NLGN1: variants seen among roughly 807,000 people sequenced by gnomAD.
The protein encoded by NLGN1 is neuroligin 1.
In NLGN1, 12 loss-of-function variants were observed where a neutral mutation model predicts 65.5. The observed-to-expected ratio is 0.18, with a 90% CI of 0.12 to 0.30. The LOEUF is 0.30. NLGN1 is among the 10% of genes least tolerant of loss of function. The probability of loss-of-function intolerance (pLI) is 1.00; values close to 1 mark genes in which losing one functional copy is unlikely to be tolerated. For missense variants in NLGN1, 750 were observed against 1,007.1 expected, an observed-to-expected ratio of 0.74 and a Z score of 3.46; for synonymous variants, 350 against 359.5, an observed-to-expected ratio of 0.97 and a Z score of 0.30.
chr3:173,495,891 T>C (rs573920291), intron 2 of NLGN1, among the ~76,000 whole-genome samples: 25 of 151,974 alleles, frequency 1.6e-4, no homozygotes, highest in Admixed American at 1.4e-3. Flanking sequence ...TATCTTCTTA[T>C]GATTTGAATC....
chr3:174,248,452 A>G (rs1744188355), intron 4 of NLGN1, among the ~76,000 whole-genome samples: 1 of 152,178 alleles, frequency 6.6e-6, no homozygotes, highest in Non-Finnish European at 1.5e-5. Flanking sequence ...ATTGCATAAT[A>G]AAGAGCACTA....
intron 1 of NLGN1, among the ~76,000 whole-genome samples, chr3:173,414,294 A>T (rs1713221440): frequency 6.6e-6 from 1 of 152,136 alleles, no homozygotes; most frequent in South Asian, 2.1e-4. Context: ...TCTTCTTGGT[A>T]GTATACAAAA....
At chr3:173,791,572 A>G (rs1712759358) in intron 3 of NLGN1, among the ~76,000 whole-genome samples, 1 of 137,930 alleles carries the variant, frequency 7.3e-6, no homozygotes, top group Non-Finnish European at 1.6e-5. Context: ...TCTTTATTTT[A>G]ATTTAAATTT....
intron 2 of NLGN1, among the ~76,000 whole-genome samples, chr3:173,567,074 G>T (rs552205709): frequency 1.3e-5 from 2 of 152,190 alleles, no homozygotes; most frequent in East Asian, 3.9e-4. Context: ...AAAAAGAATA[G>T]TGCCTATTCT....
At chr3:174,152,259 A>G (rs1238650687) in intron 4 of NLGN1, among the ~76,000 whole-genome samples, 3 of 152,206 alleles carry the variant, frequency 2.0e-5, no homozygotes, top group South Asian at 2.1e-4. Flanking sequence ...CTATATGTCT[A>G]TCCTTCTATA....
intron 2 of NLGN1, among the ~76,000 whole-genome samples, chr3:173,589,062 A>G (rs1469174705): frequency 6.6e-6 from 1 of 152,230 alleles, no homozygotes; most frequent in African/African-American, 2.4e-5. Flanking sequence ...AACCACAGTG[A>G]TATATCACAG....
At chr3:173,477,346 G>A (rs768728805) in intron 2 of NLGN1, among the ~76,000 whole-genome samples, 7 of 151,980 alleles carry the variant, frequency 4.6e-5, no homozygotes, top group African/African-American at 1.7e-4. Flanking sequence ...TTCAAGATCA[G>A]CCTTGGCAAC....
In NLGN1 at chr3:173,550,382, C is replaced by T. The variant is rs536160576; in HGVS notation, c.-320-53897C>T. 1.6e-4 allele frequency among the ~76,000 whole-genome samples: 25 copies of T among 152,116 alleles called. No individual in the cohort carries two copies. In the South Asian group the frequency reaches 5.2e-3, roughly 31 times the overall value. On this transcript the variant is annotated intron_variant, in intron 2 of 6. Transcript: ENST00000457714. ...ATGCATGTTGTCAAGGAAGGATCAT[C>T]TGCTGTTATTATATCCTCCACCAAT...
At chr3:173,928,672 A>ATTTTTTTTTT (rs34589178) in intron 4 of NLGN1, among the ~76,000 whole-genome samples, 1 of 134,542 alleles carries the variant, frequency 7.4e-6, no homozygotes, top group African/African-American at 2.8e-5. Flanking sequence ...GACATAGTTA[A>ATTTTTTTTTT]TTTTTTTTTT....
intron 4 of NLGN1, among the ~76,000 whole-genome samples, chr3:173,817,898 G>A (rs1447616317): frequency 6.6e-6 from 1 of 152,136 alleles, no homozygotes; most frequent in Non-Finnish European, 1.5e-5. Context: ...ATTTTCTCAA[G>A]TTGTTAAGAT....
At chr3:173,857,198 T>C (rs993350282) in intron 4 of NLGN1, among the ~76,000 whole-genome samples, 1 of 151,962 alleles carries the variant, frequency 6.6e-6, no homozygotes, top group African/African-American at 2.4e-5. Context: ...GTCAAGCAGA[T>C]AGAAGGTAAG....
chr3:173,865,252 A>G (rs1048298446), intron 4 of NLGN1, among the ~76,000 whole-genome samples: 2 of 151,632 alleles, frequency 1.3e-5, no homozygotes, highest in African/African-American at 4.8e-5. Flanking sequence ...CTTTTTTTTT[A>G]ATCTCAATTT....
intron 2 of NLGN1, among the ~76,000 whole-genome samples, chr3:173,519,740 T>G (rs1239545131): frequency 2.0e-5 from 3 of 152,012 alleles, no homozygotes; most frequent in Admixed American, 2.0e-4. Flanking sequence ...CCCTTTTAAG[T>G]GACTTTCCTT....
intron 2 of NLGN1, among the ~76,000 whole-genome samples, chr3:173,473,685 A>G (rs1294101271): frequency 1.3e-5 from 2 of 152,198 alleles, no homozygotes; most frequent in Non-Finnish European, 2.9e-5. Flanking sequence ...ATTGTATAAT[A>G]AAACAATACG....
rs564530444 is a variant in NLGN1 at position 174,279,616 on chromosome 3, G to A, written c.1615G>A (p.Val539Ile). The A allele has an allele frequency of 1.2e-6, 2 of 1,611,746 alleles. No individual in the cohort carries two copies. The highest frequency in any genetic ancestry group is 1.7e-6 in the Non-Finnish European group (2 of 1,178,412). ...AAATGATGTGATGCTGAGTGCAGTT[G>A]TAATGACATACTGGACAAATTTTGC... is the stretch of plus-strand genomic sequence containing the variant. The change falls in exon 6 of 7, where the codon GTA (valine) becomes ATA (isoleucine). Residue 539 changes from valine (V) to isoleucine (I), a missense_variant. By Grantham distance (29) the Val-to-Ile change is conservative. Coordinates refer to ENST00000457714, the Ensembl canonical transcript of NLGN1. This position sits in a 1 kb window ranked among gnomAD's most constrained non-coding sequence, Gnocchi z 4.7.
At chr3:174,168,461 T>C (rs1002436292) in intron 4 of NLGN1, among the ~76,000 whole-genome samples, 7 of 152,144 alleles carry the variant, frequency 4.6e-5, no homozygotes, top group African/African-American at 9.7e-5. Context: ...GAGATGTGAC[T>C]GTAGAGAATG....
chr3:173,419,620 C>T (rs1714590604), intron 1 of NLGN1, among the ~76,000 whole-genome samples: 2 of 152,150 alleles, frequency 1.3e-5, no homozygotes, highest in African/African-American at 4.8e-5. Context: ...GGATTATAGG[C>T]ATGAGCCACT....
intron 4 of NLGN1, among the ~76,000 whole-genome samples, chr3:174,191,498 G>A (rs943878429): frequency 1.3e-5 from 2 of 152,122 alleles, no homozygotes; most frequent in Non-Finnish European, 2.9e-5. Flanking sequence ...GTCTCTTAAC[G>A]GAGATCAAAG....
At chr3:174,160,470 A>G (rs946615882) in intron 4 of NLGN1, among the ~76,000 whole-genome samples, 1 of 151,718 alleles carries the variant, frequency 6.6e-6, no homozygotes, top group African/African-American at 2.4e-5. Flanking sequence ...CTTATTTACA[A>G]TAAAGAATAT....
Sources: gnomAD v4.1 joint callset for allele counts (sites outside exome capture counted in the v4.1 genomes callset) on GRCh38, gnomAD v4.1.1 for gene constraint, Gnocchi (gnomAD v3.1) non-coding constraint, MANE v1.5 for transcripts, NCBI Gene and HGNC (gene_info 2026-07-23, HGNC 2026-07-21) for gene names.